ABTB2: variants seen among roughly 807,000 people sequenced by gnomAD.
ABTB2 encodes ankyrin repeat and BTB/POZ domain-containing protein 2.
Under a neutral mutation model 104.1 loss-of-function variants are expected in ABTB2, and 56 were observed. That is an observed-to-expected ratio of 0.54 (90% CI 0.43 to 0.67). The LOEUF is 0.67. ABTB2 is among the 30% of genes least tolerant of loss of function. The pLI is 0.00. For synonymous variants in ABTB2, 606 were observed against 608.2 expected (o/e 1.00, Z 0.05); for missense variants, 1,279 against 1,407.7 (o/e 0.91, Z 1.46).
intron 1 of ABTB2, among the ~76,000 whole-genome samples, chr11:34,266,469 A>G (rs1392777405): frequency 2.0e-5 from 3 of 152,198 alleles, no homozygotes; most frequent in East Asian, 1.9e-4. Context: ...CGATCAGACC[A>G]ATCCCTGCCA....
chr11:34,185,412 G>A (rs1266990416), intron 3 of ABTB2, among the ~76,000 whole-genome samples: 1 of 152,222 alleles, frequency 6.6e-6, no homozygotes, highest in Non-Finnish European at 1.5e-5. Flanking sequence ...GCAGCTGCAG[G>A]GAAGACTGGC....
chr11:34,279,518 C>T (rs1854424920), intron 1 of ABTB2, among the ~76,000 whole-genome samples: 1 of 152,198 alleles, frequency 6.6e-6, no homozygotes, highest in African/African-American at 2.4e-5. Context: ...AGGGGCAAAG[C>T]CAGAATCTGA....
chr11:34,336,768 C>G (rs999019767), intron 1 of ABTB2, among the ~76,000 whole-genome samples: 10 of 152,092 alleles, frequency 6.6e-5, no homozygotes, highest in Middle Eastern at 3.2e-3. Flanking sequence ...TATGGGTGGG[C>G]TCCCTCCCCA....
chr11:34,163,061 G>C (rs1245164641), intron 9 of ABTB2, among the ~76,000 whole-genome samples: 1 of 152,186 alleles, frequency 6.6e-6, no homozygotes, highest in Non-Finnish European at 1.5e-5. Flanking sequence ...CATAGGCTTC[G>C]GGGCTGAGCG....
intron 14 of ABTB2, among the ~76,000 whole-genome samples, chr11:34,156,673 C>T (rs1435242936): frequency 6.6e-6 from 1 of 152,022 alleles, no homozygotes; most frequent in African/African-American, 2.4e-5. Flanking sequence ...ATGCAGCATG[C>T]ACCACCACGC....
At chr11:34,161,770 C>A (rs1035644796) in intron 10 of ABTB2, among the ~76,000 whole-genome samples, 1 of 152,152 alleles carries the variant, frequency 6.6e-6, no homozygotes. Context: ...AGCTTCTTAC[C>A]CCAACCTCAC....
rs1182081572 is a variant in ABTB2 at position 34,151,808 on chromosome 11, G to A, written c.*579C>T. On this transcript the variant is annotated 3_prime_UTR_variant, in exon 17 of 17. Transcript: ENST00000435224. ...GTGGCAGCAGTCGTGGTGGCAGGGG[G>A]GGGTCCACAGGCCACTGGATGCCCA... 6.5e-6 allele frequency: 1 copy of A among 152,872 alleles called. No homozygotes were observed. Among genetic ancestry groups the A allele is most frequent in the Non-Finnish European group, 1.5e-5 (1 of 68,606 alleles). 9.5% of individuals were successfully genotyped at this position (152,872 alleles called of 1,614,324 possible). A position where few individuals can be genotyped will look rare whatever the true frequency, so the allele number is the denominator to read the frequency against.
chr11:34,275,550 G>C (rs1173983953), intron 1 of ABTB2, among the ~76,000 whole-genome samples: 2 of 151,962 alleles, frequency 1.3e-5, no homozygotes, highest in Non-Finnish European at 2.9e-5. Context: ...ATCCTGCCTA[G>C]AAATATCCAC....
intron 16 of ABTB2, among the ~76,000 whole-genome samples, chr11:34,152,905 C>CATGT (rs1248174746): frequency 5.9e-5 from 9 of 152,212 alleles, no homozygotes; most frequent in African/African-American, 2.2e-4. Context: ...CCAGGCCTGG[C>CATGT]ATGTGACTGT....
Position 34,166,449 on chromosome 11 carries a change from C to T in ABTB2, c.1755+810G>A, listed in dbSNP as rs538498728. On this transcript the variant is annotated intron_variant, in intron 7 of 16. Coordinates refer to ENST00000435224, the MANE Select transcript of ABTB2 (RefSeq NM_145804.3). ...CTGAACTGAGGTTGGGATTTTGCTCCGGTTCTTATAAGGCAAAGGCGGCAG... is the reference window on the plus strand; with the variant it reads ...CTGAACTGAGGTTGGGATTTTGCTCTGGTTCTTATAAGGCAAAGGCGGCAG... Among the ~76,000 whole-genome samples the T allele has an allele frequency of 6.6e-5, 10 of 152,344 alleles. No individual in the cohort carries two copies. The South Asian group carries it at 1.0e-3, about 16-fold the overall frequency.
Position 34,175,590 on chromosome 11 carries a change from T to C in ABTB2, c.1245-2283A>G, listed in dbSNP as rs555946214. Among the ~76,000 whole-genome samples, 5 of 152,366 alleles carry C rather than the reference T, an allele frequency of 3.3e-5. No individual in the cohort carries two copies. In the South Asian group the frequency reaches 1.0e-3, roughly 32 times the overall value. ...ACCATCATAAGTTAGGGATTTTCTG[T>C]AATCAGAAGTGATCTTAAAGGTCTT... is the stretch of plus-strand genomic sequence containing the variant. On this transcript the variant is annotated intron_variant, in intron 3 of 16. Transcript: ENST00000435224.
chr11:34,178,006 C>G (rs950502562), intron 3 of ABTB2, among the ~76,000 whole-genome samples: 4 of 152,222 alleles, frequency 2.6e-5, no homozygotes, highest in Admixed American at 2.0e-4. Flanking sequence ...AGCCTACACC[C>G]TGCTCCACGA....
chr11:34,325,664 G>A (rs1855060926), intron 1 of ABTB2, among the ~76,000 whole-genome samples: 1 of 152,098 alleles, frequency 6.6e-6, no homozygotes, highest in East Asian at 1.9e-4. Flanking sequence ...GTCAAATGCT[G>A]GATAGGCCGG....
chr11:34,336,016 G>A (rs529795720), intron 1 of ABTB2: 1 of 500,130 alleles, frequency 2.0e-6, no homozygotes, highest in Non-Finnish European at 3.6e-6. Context: ...TACTGGAGGG[G>A]ACAGTTCACT....
At chr11:34,161,761 G>A (rs1329878029) in intron 10 of ABTB2, among the ~76,000 whole-genome samples, 1 of 152,204 alleles carries the variant, frequency 6.6e-6, no homozygotes, top group Non-Finnish European at 1.5e-5. Flanking sequence ...TAGAGAGACA[G>A]CTTCTTACCC....
chr11:34,166,927 G>A (rs556629734), intron 7 of ABTB2, among the ~76,000 whole-genome samples: 36 of 152,352 alleles, frequency 2.4e-4, no homozygotes, highest in South Asian at 1.0e-3. Context: ...TCGGAAAGGC[G>A]GCTGTAGGCG....
Position 34,329,054 on chromosome 11 carries a change from T to C in ABTB2, c.883+27647A>G, listed in dbSNP as rs572150246. On this transcript the variant is annotated intron_variant, in intron 1 of 16. Coordinates refer to ENST00000435224, the MANE Select transcript of ABTB2 (RefSeq NM_145804.3). ...ATTTAAGATCCCATTAAGACAGAAA[T>C]AAACCCAGCCTGCAAGCTATTCAGC... Among the ~76,000 whole-genome samples the C allele has an allele frequency of 3.3e-5, 5 of 152,318 alleles. No homozygotes were observed. The East Asian group carries it at 7.7e-4, about 23-fold the overall frequency.
intron 1 of ABTB2, among the ~76,000 whole-genome samples, chr11:34,286,238 G>A (rs1446178705): frequency 2.0e-5 from 3 of 151,946 alleles, no homozygotes; most frequent in Non-Finnish European, 2.9e-5. Context: ...CAGGAGGATC[G>A]TTTGGAGCCA....
chr11:34,210,644 C>T (rs986538224), intron 1 of ABTB2, among the ~76,000 whole-genome samples: 5 of 152,194 alleles, frequency 3.3e-5, no homozygotes, highest in Admixed American at 2.0e-4. Flanking sequence ...GAGTGTGGTA[C>T]CATTTCTGCA....
Sources: allele counts gnomAD v4.1 joint callset (sites outside exome capture counted in the v4.1 genomes callset), GRCh38; gene constraint gnomAD v4.1.1; transcripts MANE v1.5; gene names NCBI Gene and HGNC (gene_info 2026-07-23, HGNC 2026-07-21).